SKI: variants seen among roughly 807,000 people sequenced by gnomAD.
SKI encodes the protein SKI proto-oncogene.
A neutral mutation model predicts 59.3 loss-of-function variants in SKI; 23 were observed. That is an observed-to-expected ratio of 0.39 (90% CI 0.28 to 0.55). The LOEUF (loss-of-function observed/expected upper bound fraction) is 0.55, where lower values mean the gene tolerates loss of function less well. Ranked by LOEUF, SKI falls within the 20% of genes least tolerant of loss-of-function variation. The pLI is 0.67. For synonymous variants in SKI, 673 were observed against 488.6 expected, an observed-to-expected ratio of 1.38 and a Z score of -4.98; for missense variants, 1,017 against 1,038.9, an observed-to-expected ratio of 0.98 and a Z score of 0.29.
In SKI at chr1:2,296,266, A is replaced by G. The variant is rs1033917287; in HGVS notation, c.970-6712A>G. ...AAAAATTAGCTGGGCATGGTGGCACATGCTTGTAGTCCCAGCTACTCAGGA... is the reference window on the plus strand; with the variant it reads ...AAAAATTAGCTGGGCATGGTGGCACGTGCTTGTAGTCCCAGCTACTCAGGA... On this transcript the variant is annotated intron_variant, in intron 1 of 6. Coordinates refer to ENST00000378536, the MANE Select transcript of SKI (RefSeq NM_003036.4). 1.1e-4 allele frequency among the ~76,000 whole-genome samples: 16 copies of G among 152,046 alleles called. No individual in the cohort carries two copies. The South Asian group carries it at 3.1e-3, about 30-fold the overall frequency.
At chr1:2,280,273 G>T (rs1359202771) in intron 1 of SKI, among the ~76,000 whole-genome samples, 1 of 152,042 alleles carries the variant, frequency 6.6e-6, no homozygotes, top group Non-Finnish European at 1.5e-5. Context: ...CTACTTGGGA[G>T]GGCGAGGCAG....
chr1:2,283,756 G>A (rs1056587601), intron 1 of SKI, among the ~76,000 whole-genome samples: 1 of 152,214 alleles, frequency 6.6e-6, no homozygotes, highest in East Asian at 1.9e-4. Flanking sequence ...GCTCTGGTTC[G>A]AAGCTGCCCC....
At chr1:2,298,486 CG>C (rs541051700) in intron 1 of SKI, among the ~76,000 whole-genome samples, 1 of 152,194 alleles carries the variant, frequency 6.6e-6, no homozygotes, top group Non-Finnish European at 1.5e-5. Context: ...GGCCTGTCCC[CG>C]GGCCGGATGG....
At position 2,277,921 on chromosome 1, in the gene SKI, G is replaced by A. The variant is rs535361647; in HGVS notation, c.970-25057G>A. Among the ~76,000 whole-genome samples, 8 of 151,566 alleles carry A rather than the reference G, an allele frequency of 5.3e-5. 1 individual carries two copies. In the South Asian group the frequency reaches 1.3e-3, roughly 24 times the overall value. On this transcript the variant is annotated intron_variant, in intron 1 of 6. Coordinates refer to ENST00000378536, the MANE Select transcript of SKI (RefSeq NM_003036.4). ...ACTCAACGCACTCGTCAGGACCCAC[G>A]GGCAGATGTACACACATGCACCAGC...
chr1:2,282,857 G>A (rs1000276764), intron 1 of SKI, among the ~76,000 whole-genome samples: 14 of 152,328 alleles, frequency 9.2e-5, no homozygotes, highest in South Asian at 4.1e-4. Flanking sequence ...CTCAGCCTCC[G>A]ACCTGTCACC....
At chr1:2,254,426 A>C (rs1383084024) in intron 1 of SKI, among the ~76,000 whole-genome samples, 1 of 152,192 alleles carries the variant, frequency 6.6e-6, no homozygotes, top group Non-Finnish European at 1.5e-5. Flanking sequence ...CTGAAATGGC[A>C]ATGCCTCATC....
intron 1 of SKI, among the ~76,000 whole-genome samples, chr1:2,257,021 C>G (rs904840440): frequency 6.6e-6 from 1 of 152,240 alleles, no homozygotes; most frequent in Non-Finnish European, 1.5e-5. Flanking sequence ...CCCTGCTGTT[C>G]CCTTGTGGCT....
At chr1:2,271,718 T>TGGG (rs35691128) in intron 1 of SKI, among the ~76,000 whole-genome samples, 18 of 149,340 alleles carry the variant, frequency 1.2e-4, no homozygotes, top group South Asian at 2.1e-4. Context: ...CCTGGTCCCC[T>TGGG]GGGGGGGGGT....
chr1:2,295,523 T>C (rs1196702017), intron 1 of SKI, among the ~76,000 whole-genome samples: 1 of 152,196 alleles, frequency 6.6e-6, no homozygotes, highest in East Asian at 1.9e-4. Context: ...AGAAGCCCCA[T>C]GCACATGGTC....
At chr1:2,236,471 A>G (rs1021530354) in intron 1 of SKI, among the ~76,000 whole-genome samples, 3 of 151,610 alleles carry the variant, frequency 2.0e-5, no homozygotes, top group Non-Finnish European at 4.4e-5. Context: ...CAGTGGCGTG[A>G]TCTCGGCTCA....
intron 1 of SKI, among the ~76,000 whole-genome samples, chr1:2,274,320 C>T (rs1232821231): frequency 1.3e-5 from 2 of 152,178 alleles, no homozygotes; most frequent in African/African-American, 4.8e-5. Flanking sequence ...AGGCTTGGGG[C>T]TGCCGGCTCA....
At chr1:2,284,819 G>A (rs999832535) in intron 1 of SKI, among the ~76,000 whole-genome samples, 5 of 152,204 alleles carry the variant, frequency 3.3e-5, no homozygotes, top group Non-Finnish European at 5.9e-5. Context: ...CCTGTGCTGG[G>A]GGCCCCGGTG....
intron 1 of SKI, among the ~76,000 whole-genome samples, chr1:2,285,376 G>C (rs906864491): frequency 5.9e-5 from 9 of 151,900 alleles, no homozygotes; most frequent in Admixed American, 5.2e-4. Context: ...TTAGCTGAGC[G>C]TGGTGGCGGG....
chr1:2,294,224 G>A (rs1640233801), intron 1 of SKI, among the ~76,000 whole-genome samples: 1 of 152,248 alleles, frequency 6.6e-6, no homozygotes, highest in African/African-American at 2.4e-5. Flanking sequence ...GGATTCAGCT[G>A]CTGTGAGTCA....
rs1640587898 is a variant in SKI, at chr1:2,306,558, C to CCT, written c.1999-18_1999-17insTC. On this transcript the variant is annotated intron_variant, in intron 6 of 6. Coordinates refer to ENST00000378536, the MANE Select transcript of SKI (RefSeq NM_003036.4). ...CAGGGCAGCGAGCAGGCGCCGCTGACCACTCGGCTCCCTTTCAGATCGAAG... is the reference window on the plus strand; with the variant it reads ...CAGGGCAGCGAGCAGGCGCCGCTGACCTCACTCGGCTCCCTTTCAGATCGAAG... The CCT allele has an allele frequency of 6.5e-7, 1 of 1,538,902 alleles. No individual in the cohort carries two copies. The highest frequency in any genetic ancestry group is 2.0e-5 in the Admixed American group (1 of 50,846).
At chr1:2,306,493 C>A in intron 6 of SKI, 84 bp from the exon 7 acceptor site, 1 of 1,387,830 alleles carries the variant, frequency 7.2e-7, no homozygotes, top group Non-Finnish European at 9.8e-7. Flanking sequence ...CAGGGAGCGG[C>A]GCAGGAGCCT....
chr1:2,306,302 G>C, intron 6 of SKI, 52 bp downstream of exon 6: 1 of 1,441,396 alleles, frequency 6.9e-7, no homozygotes, highest in African/African-American at 1.4e-5. Flanking sequence ...TGGAGCCGCC[G>C]TGGGCCCCGG....
In SKI at chr1:2,306,139, G is replaced by A. The variant is rs771953750; in HGVS notation, c.1887G>A (p.Glu629=). The change falls in exon 6 of 7, where the codon GAG becomes GAA. Residue 629 remains glutamate (E), a synonymous_variant. Coordinates refer to ENST00000378536, the MANE Select transcript of SKI (RefSeq NM_003036.4). ...CCGAGAACGAGAAGAAGATGAAAGAGGCCAACGAGTCACGGCTGCGCCTGA... is the reference window on the plus strand; with the variant it reads ...CCGAGAACGAGAAGAAGATGAAAGAAGCCAACGAGTCACGGCTGCGCCTGA... ...LRAENEKKMK[E]ANESRLRLKR... The A allele has an allele frequency of 6.3e-7, 1 of 1,596,322 alleles. No individual in the cohort carries two copies. The highest frequency in any genetic ancestry group is 1.1e-5 in the South Asian group (1 of 88,200).
intron 1 of SKI, among the ~76,000 whole-genome samples, chr1:2,244,338 G>A (rs1428771970): frequency 6.6e-6 from 1 of 151,902 alleles, no homozygotes; most frequent in African/African-American, 2.4e-5. Context: ...AGCACTTTGG[G>A]AGGCCAAGGT....
Sources: gnomAD v4.1 joint callset for allele counts (sites outside exome capture counted in the v4.1 genomes callset) on GRCh38, gnomAD v4.1.1 for gene constraint, MANE v1.5 for transcripts, NCBI Gene and HGNC (gene_info 2026-07-23, HGNC 2026-07-21) for gene names.